Variants in RPN2 observed in about 807,000 individuals in gnomAD.
The protein encoded by RPN2 is ribophorin II.
Under a neutral mutation model 71.4 loss-of-function variants are expected in RPN2, and 29 were observed. That is an observed-to-expected ratio of 0.41 (90% confidence interval 0.30 to 0.55). The LOEUF (loss-of-function observed/expected upper bound fraction) is 0.55. Among genes scored for constraint, RPN2 ranks in the 20% least tolerant of loss-of-function variants. The pLI is 0.35. For synonymous variants in RPN2, 308 were observed against 305.0 expected, an observed-to-expected ratio of 1.01 and a Z score of -0.10; for missense variants, 726 against 774.1, an observed-to-expected ratio of 0.94 and a Z score of 0.74.
intron 1 of RPN2, among the ~76,000 whole-genome samples, chr20:37,183,407 G>A (rs1386548598): frequency 2.6e-5 from 4 of 152,084 alleles, no homozygotes; most frequent in Non-Finnish European, 4.4e-5. Flanking sequence ...TAGTAGAGGC[G>A]GGGTTTCACC....
chr20:37,179,576 G>A, intron 1 of RPN2: 2 of 1,309,866 alleles, frequency 1.5e-6, no homozygotes, highest in South Asian at 1.7e-5. Context: ...GTTGGTGCCT[G>A]GGGGAGGGGT....
intron 2 of RPN2, among the ~76,000 whole-genome samples, chr20:37,189,159 T>A (rs2146527616): frequency 6.6e-6 from 1 of 152,238 alleles, no homozygotes; most frequent in Non-Finnish European, 1.5e-5. Context: ...GGTCCTGAAC[T>A]CTTGACCTCA....
intron 13 of RPN2, among the ~76,000 whole-genome samples, chr20:37,231,717 A>AAAAAAAAG (rs765848889): frequency 3.1e-4 from 47 of 151,882 alleles, no homozygotes; most frequent in Admixed American, 9.2e-4. Context: ...GTCTCTTTAA[A>AAAAAAAAG]AAAAAGAAAA....
At position 37,223,985 on chromosome 20, in the gene RPN2, C is replaced by T. The variant is rs190926021; in HGVS notation, c.1184+16C>T. 2.4e-5 allele frequency: 38 copies of T among 1,607,288 alleles called. No individual in the cohort carries two copies. The Admixed American group carries it at 3.5e-4, about 15-fold the overall frequency. ...AAACTACCCGGTAGGTGAGATGCCA[C>T]CTGATCACTCAGGGAGCTGAGGCTC... On this transcript the variant is annotated intron_variant, in intron 10 of 16. Coordinates refer to ENST00000237530, the MANE Select transcript of RPN2 (RefSeq NM_002951.5).
chr20:37,229,957 G>C lies in RPN2; in HGVS notation c.1495-16G>C, dbSNP rs535107744. The C allele has an allele frequency of 3.9e-5, 62 of 1,600,092 alleles. No individual in the cohort carries two copies. In the South Asian group the frequency reaches 6.4e-4, roughly 16 times the overall value. ...CTCTGCCCCTGTGCTTTTACAGACT[G>C]TCCTTATTTTTCTAGGCTGATGTGG... On this transcript the variant is annotated splice_polypyrimidine_tract_variant and intron_variant, in intron 12 of 16. Transcript: ENST00000237530.
intron 9 of RPN2, among the ~76,000 whole-genome samples, 197 bp downstream of exon 9, chr20:37,214,062 T>C (rs1438648245): frequency 6.6e-6 from 1 of 152,244 alleles, no homozygotes; most frequent in Non-Finnish European, 1.5e-5. Context: ...AACTTGGTCA[T>C]AGTGAATTTT....
intron 9 of RPN2, among the ~76,000 whole-genome samples, chr20:37,217,210 G>A (rs1328821732): frequency 6.6e-6 from 1 of 151,866 alleles, no homozygotes; most frequent in Non-Finnish European, 1.5e-5. Context: ...GGGATTATAG[G>A]CGTGAACCAC....
chr20:37,232,180 C>A, intron 13 of RPN2, 116 bp from the exon 14 acceptor site: 1 of 1,301,872 alleles, frequency 7.7e-7, no homozygotes, highest in Non-Finnish European at 1.1e-6. Flanking sequence ...GAGGTTTTAG[C>A]CTCTGGGCGG....
At chr20:37,180,069 C>T (rs761521630) in intron 1 of RPN2, among the ~76,000 whole-genome samples, 1 of 152,186 alleles carries the variant, frequency 6.6e-6, no homozygotes, top group Admixed American at 6.5e-5. Flanking sequence ...TTGGAAGTTA[C>T]TGAGTAGACG....
At chr20:37,190,908 A>G (rs1395429249) in intron 2 of RPN2, among the ~76,000 whole-genome samples, 2 of 152,226 alleles carry the variant, frequency 1.3e-5, no homozygotes, top group African/African-American at 2.4e-5. Flanking sequence ...TGTGCAAACT[A>G]CATAAATCCA....
Position 37,210,075 on chromosome 20 carries a change from C to T in RPN2, c.896C>T (p.Pro299Leu). ...RLQVTNVLSQ[P>L]LTQATVKLEH... The stretch of plus-strand genomic sequence containing the variant: ...CAAGTCACCAATGTTCTGTCTCAGC[C>T]TCTGACTCAGGCCACTGTTAAACTA... The change falls in exon 8 of 17, where the codon CCT (proline) becomes CTT (leucine). Residue 299 changes from proline to leucine, a missense_variant. By Grantham distance (98) the Pro-to-Leu change is moderately conservative. Transcript: ENST00000237530. 6.2e-7 allele frequency: 1 copy of T among 1,614,106 alleles called. No homozygotes were observed. Among genetic ancestry groups the T allele is most frequent in the Non-Finnish European group, 8.5e-7 (1 of 1,180,006 alleles).
Position 37,238,388 on chromosome 20 carries a change from C to G in RPN2, c.1883+1679C>G, listed in dbSNP as rs763300783. ...TGTCCTTTCTTGATTCTCAAACCCTCTTTCCTTTGGCAGGATCGCTGCAGA... is the reference window on the plus strand; with the variant it reads ...TGTCCTTTCTTGATTCTCAAACCCTGTTTCCTTTGGCAGGATCGCTGCAGA... On this transcript the variant is annotated intron_variant, in intron 16 of 16. Transcript: ENST00000237530. 3.7e-6 allele frequency: 6 copies of G among 1,604,474 alleles called. No homozygotes were observed. The African/African-American group carries it at 8.0e-5, about 21-fold the overall frequency.
intron 16 of RPN2, 63 bp downstream of exon 16, chr20:37,236,772 A>C: frequency 6.5e-7 from 1 of 1,537,474 alleles, no homozygotes; most frequent in Non-Finnish European, 9.0e-7. Flanking sequence ...CTGCCGGCCT[A>C]GCTCTTTGAA....
intron 3 of RPN2, among the ~76,000 whole-genome samples, chr20:37,198,750 A>G (rs1460349278): frequency 6.6e-6 from 1 of 151,348 alleles, no homozygotes; most frequent in Non-Finnish European, 1.5e-5. Flanking sequence ...TTTCCTTTCC[A>G]TCTGCCTTTA....
intron 3 of RPN2, 99 bp downstream of exon 3, chr20:37,198,591 G>C: frequency 3.2e-6 from 5 of 1,552,578 alleles, no homozygotes; most frequent in Non-Finnish European, 4.3e-6. Context: ...AATTATGAGA[G>C]TCCATTATTG....
intron 16 of RPN2, among the ~76,000 whole-genome samples, chr20:37,239,863 T>C (rs1433916201): frequency 1.3e-5 from 2 of 152,226 alleles, no homozygotes; most frequent in African/African-American, 2.4e-5. Context: ...TCAGCAACTG[T>C]CCTTGCTGCT....
intron 2 of RPN2, 48 bp downstream of exon 2, chr20:37,184,421 C>T: frequency 2.1e-6 from 3 of 1,440,632 alleles, no homozygotes; most frequent in Non-Finnish European, 2.9e-6. Context: ...GGAGAACCTT[C>T]ATCCCCTCAC....
At chr20:37,238,349 A>G (rs776588198) in intron 16 of RPN2, 74 of 1,408,052 alleles carry the variant, frequency 5.3e-5, no homozygotes, top group Admixed American at 3.3e-4. Context: ...TCCTCAGCTG[A>G]TTTCTCCCCT....
intron 2 of RPN2, among the ~76,000 whole-genome samples, chr20:37,192,700 C>G (rs2067169361): frequency 6.6e-6 from 1 of 152,146 alleles, no homozygotes; most frequent in Non-Finnish European, 1.5e-5. Context: ...CAAATACATG[C>G]ACGAATATTT....
Sources: allele counts gnomAD v4.1 joint callset (sites outside exome capture counted in the v4.1 genomes callset), GRCh38; gene constraint gnomAD v4.1.1; transcripts MANE v1.5; gene names NCBI Gene and HGNC (gene_info 2026-07-23, HGNC 2026-07-21).